LRCH1: variants seen among roughly 807,000 people sequenced by gnomAD.
LRCH1 encodes leucine-rich repeat and calponin homology domain-containing protein 1.
LRCH1 carries 23 observed loss-of-function variants against 94.9 expected under a neutral mutation model. The observed-to-expected ratio is 0.24, with a 90% CI of 0.17 to 0.34. The LOEUF is 0.34. LRCH1 is among the 10% of genes least tolerant of loss of function. The pLI is 1.00. For synonymous variants in LRCH1, 364 were observed against 354.9 expected, an observed-to-expected ratio of 1.03 and a Z score of -0.29; for missense variants, 790 against 945.9, an observed-to-expected ratio of 0.84 and a Z score of 2.16.
At position 46,744,680 on chromosome 13, in the gene LRCH1, C is replaced by T. The variant is rs1873833511; in HGVS notation, c.*2832C>T. 5 of 985,268 alleles carry T rather than the reference C, an allele frequency of 5.1e-6. No homozygotes were observed. In the South Asian group the frequency reaches 2.3e-4, roughly 46 times the overall value. The allele number at this position is 985,268 out of a possible 1,614,324, so 61.0% of individuals were successfully genotyped here. On this transcript the variant is annotated 3_prime_UTR_variant, in exon 20 of 20. Coordinates refer to ENST00000389797, the MANE Select transcript of LRCH1 (RefSeq NM_001164211.2). The stretch of plus-strand genomic sequence containing the variant: ...TGAGCTGGGTTATCTCTCGAAAACT[C>T]ATGTAGATGCCTGATTGAGTCATAA...
chr13:46,554,033 G>T (rs2050034394), intron 1 of LRCH1, among the ~76,000 whole-genome samples: 1 of 152,226 alleles, frequency 6.6e-6, no homozygotes, highest in Non-Finnish European at 1.5e-5. Context: ...CAGGCGCGCC[G>T]CGTGCGCGCA....
chr13:46,553,897 C>T (rs1040235555), intron 1 of LRCH1, among the ~76,000 whole-genome samples, 194 bp downstream of exon 1: 2 of 152,206 alleles, frequency 1.3e-5, no homozygotes, highest in African/African-American at 4.8e-5. Context: ...GGGGCCCTGC[C>T]TGGTCCGGCG....
intron 1 of LRCH1, among the ~76,000 whole-genome samples, chr13:46,592,322 G>C (rs2050509459): frequency 6.6e-6 from 1 of 152,170 alleles, no homozygotes. Context: ...CCCCAAAACT[G>C]TAAGGCTTGT....
chr13:46,705,671 G>T, intron 13 of LRCH1: 1 of 382,676 alleles, frequency 2.6e-6, no homozygotes, highest in Non-Finnish European at 4.9e-6. Context: ...GAAAAGGTCT[G>T]GGAATTGGCC....
At chr13:46,749,400 G>C (rs557045097), downstream of LRCH1, among the ~76,000 whole-genome samples, 1 of 152,114 alleles carries the variant, frequency 6.6e-6, no homozygotes, top group Admixed American at 6.5e-5. Context: ...GGTGGGGATA[G>C]GAAGATATTG....
chr13:46,732,838 A>G (rs1382078974), intron 18 of LRCH1, among the ~76,000 whole-genome samples: 1 of 152,108 alleles, frequency 6.6e-6, no homozygotes, highest in Non-Finnish European at 1.5e-5. Context: ...GGTTGGGCAA[A>G]ACCACCGAAG....
rs13378791 is a variant in LRCH1, at chr13:46,743,618, T to G, written c.*1770T>G. Reference sequence around the variant, plus strand: ...ATTATTCCAAGTTTTTATCAGCCCATTGATACATGTATTCATGAGCTCTCA... The same window carrying G: ...ATTATTCCAAGTTTTTATCAGCCCAGTGATACATGTATTCATGAGCTCTCA... On this transcript the variant is annotated 3_prime_UTR_variant, in exon 20 of 20. Transcript: ENST00000389797. 235 of 985,532 alleles carry G rather than the reference T, an allele frequency of 2.4e-4. 1 individual carries two copies. In the East Asian group the frequency reaches 0.018, roughly 75 times the overall value. 61.0% of individuals were successfully genotyped at this position (985,532 alleles called of 1,614,324 possible).
intron 2 of LRCH1, among the ~76,000 whole-genome samples, chr13:46,650,827 T>C (rs564416921): frequency 9.1e-4 from 139 of 152,150 alleles, no homozygotes; most frequent in African/African-American, 3.3e-3. Context: ...ACTTTAAGCC[T>C]TCTTAAGAAA....
At chr13:46,618,416 G>T (rs2050837746) in intron 1 of LRCH1, among the ~76,000 whole-genome samples, 1 of 152,186 alleles carries the variant, frequency 6.6e-6, no homozygotes, top group African/African-American at 2.4e-5. Context: ...GGAAACTGTT[G>T]TGTGGGGCAT....
chr13:46,607,593 TTTCTCC>T lies in LRCH1; in HGVS notation c.308-42590_308-42585del, dbSNP rs527663901. On this transcript the variant is annotated intron_variant, in intron 1 of 19. Transcript: ENST00000389797. ...ATTCATTGTTCTTCTCCTTCTCCTT[TTTCTCC>T]TTCTCCTTCTCCTTCTCTTTCTCCC... 4.9e-3 allele frequency among the ~76,000 whole-genome samples: 738 copies of T among 152,112 alleles called. 8 individuals carry two copies. The highest frequency in any genetic ancestry group is 0.013 in the African/African-American group (540 of 41,510).
intron 1 of LRCH1, among the ~76,000 whole-genome samples, chr13:46,646,851 G>A (rs1394693323): frequency 1.3e-5 from 2 of 152,114 alleles, no homozygotes; most frequent in Non-Finnish European, 2.9e-5. Context: ...AGTGGCTCAT[G>A]CCTGTAATCC....
intron 1 of LRCH1, among the ~76,000 whole-genome samples, chr13:46,607,812 G>A (rs995551250): frequency 6.6e-6 from 1 of 152,098 alleles, no homozygotes; most frequent in African/African-American, 2.4e-5. Flanking sequence ...TGAGGGGTGC[G>A]GCAGGGAAGG....
At chr13:46,622,760 C>T (rs1189021614) in intron 1 of LRCH1, among the ~76,000 whole-genome samples, 2 of 152,168 alleles carry the variant, frequency 1.3e-5, no homozygotes, top group African/African-American at 4.8e-5. Context: ...AAGAAAATTA[C>T]TTGCTAATTT....
intron 1 of LRCH1, among the ~76,000 whole-genome samples, chr13:46,619,064 TTTCCTTCC>T (rs764734614): frequency 2.2e-3 from 248 of 114,724 alleles, no homozygotes; most frequent in Non-Finnish European, 2.9e-3. Context: ...TCTTTTCTTT[TTTCCTTCC>T]TTCCTTCCTT....
At chr13:46,730,417 G>A (rs1045465127) in intron 18 of LRCH1, among the ~76,000 whole-genome samples, 1 of 152,058 alleles carries the variant, frequency 6.6e-6, no homozygotes, top group African/African-American at 2.4e-5. Flanking sequence ...CCAGTGTGTT[G>A]GACTGAAGCT....
chr13:46,746,405 AT>A (rs1236915452), downstream of LRCH1, among the ~76,000 whole-genome samples: 1 of 152,162 alleles, frequency 6.6e-6, no homozygotes, highest in East Asian at 1.9e-4. Flanking sequence ...ATGAGGGGAT[AT>A]GGGTGAACCT....
At chr13:46,653,720 A>G (rs905265284) in intron 2 of LRCH1, among the ~76,000 whole-genome samples, 3 of 151,970 alleles carry the variant, frequency 2.0e-5, no homozygotes, top group Non-Finnish European at 4.4e-5. Context: ...AGGCCCAGCT[A>G]CTTGGGAGGC....
At chr13:46,568,137 A>G (rs1274220684) in intron 1 of LRCH1, among the ~76,000 whole-genome samples, 1 of 151,430 alleles carries the variant, frequency 6.6e-6, no homozygotes, top group African/African-American at 2.5e-5. Context: ...ACACAAGTCC[A>G]TGCAACACTC....
At chr13:46,598,963 A>T (rs1457115048) in intron 1 of LRCH1, among the ~76,000 whole-genome samples, 2 of 151,884 alleles carry the variant, frequency 1.3e-5, no homozygotes, top group African/African-American at 4.8e-5. Context: ...CAAAACTGAA[A>T]CTCTGTACCA....
Sources: gnomAD v4.1 joint callset for allele counts (sites outside exome capture counted in the v4.1 genomes callset) on GRCh38, gnomAD v4.1.1 for gene constraint, MANE v1.5 for transcripts, NCBI Gene and HGNC (gene_info 2026-07-23, HGNC 2026-07-21) for gene names.